The following MALAT1 variants were observed in gnomAD, a reference collection of about 807,000 sequenced individuals.
The protein encoded by MALAT1 is hepcarcin.
chr11:65,505,183 T>G lies in MALAT1; in HGVS notation n.5169-1077T>G, dbSNP rs190232701. ...GCGCTAAGCCTTTTTTTAAGATTTTTCAGGTACCCCTCACTAAAGGCACCG... is the reference window on the plus strand; with the variant it reads ...GCGCTAAGCCTTTTTTTAAGATTTTGCAGGTACCCCTCACTAAAGGCACCG... On this transcript the variant is annotated intron_variant and non_coding_transcript_variant, in intron 3 of 3. Transcript: ENST00000619449. 2.8e-4 allele frequency: 146 copies of G among 518,838 alleles called. 1 individual carries two copies. The Admixed American group carries it at 2.8e-3, about 10-fold the overall frequency. 32.1% of individuals were successfully genotyped at this position (518,838 alleles called of 1,614,324 possible). A position where few individuals can be genotyped will look rare whatever the true frequency, so the allele number is the denominator to read the frequency against.
At chr11:65,501,396 C>A in exon 3 of MALAT1, 1 of 518,164 alleles carries the variant, frequency 1.9e-6, no homozygotes, top group Non-Finnish European at 3.9e-6. Flanking sequence ...GCAGTTCTCA[C>A]GTTGAGGTCT....
exon 3 of MALAT1, chr11:65,501,785 G>C: frequency 1.9e-6 from 1 of 518,778 alleles, no homozygotes; most frequent in South Asian, 1.4e-5. Flanking sequence ...GCTTGAGTAG[G>C]CCAAATGTTG....
At chr11:65,505,349 A>G (rs1425260205) in intron 3 of MALAT1, 1 of 518,662 alleles carries the variant, frequency 1.9e-6, no homozygotes, top group Non-Finnish European at 3.8e-6. Flanking sequence ...CTCTTTCTGG[A>G]GTGAAGCATC....
chr11:65,505,870 T>G (rs780655390), intron 3 of MALAT1: 2 of 454,744 alleles, frequency 4.4e-6, no homozygotes, highest in Non-Finnish European at 8.7e-6. Context: ...ATGTAACTTG[T>G]AGACTGGAGA....
intron 1 of MALAT1, chr11:65,498,447 A>G (rs923161534): frequency 7.7e-6 from 4 of 518,606 alleles, no homozygotes; most frequent in Admixed American, 1.9e-5. Context: ...GCGTTTTCCA[A>G]GAGTGGGTTT....
exon 3 of MALAT1, chr11:65,499,980 C>CA: frequency 2.3e-6 from 1 of 426,074 alleles, no homozygotes; most frequent in Non-Finnish European, 4.6e-6. Context: ...GATAAAATAG[C>CA]ACTGAAAAAA....
At chr11:65,502,725 TAAGTA>T in exon 3 of MALAT1, 2 of 512,576 alleles carry the variant, frequency 3.9e-6, no homozygotes, top group South Asian at 2.9e-5. Context: ...GGTGAATTGA[TAAGTA>T]AAGGCAGAAA....
intron 3 of MALAT1, chr11:65,504,579 T>A (rs776383852): frequency 1.9e-6 from 1 of 518,850 alleles, no homozygotes; most frequent in Non-Finnish European, 3.8e-6. Flanking sequence ...GAGTACATTT[T>A]GCTGGTGTAT....
exon 3 of MALAT1, chr11:65,501,944 A>C: frequency 5.8e-6 from 3 of 517,698 alleles, no homozygotes; most frequent in Non-Finnish European, 1.2e-5. Context: ...AGATAAACTC[A>C]TGCCAGAGAA....
exon 3 of MALAT1, chr11:65,503,688 G>A (rs766337268): frequency 9.7e-6 from 5 of 517,576 alleles, no homozygotes; most frequent in Non-Finnish European, 1.9e-5. Flanking sequence ...GTAGTTCAGT[G>A]TTGGGGCAAT....
At chr11:65,504,896 A>AAT (rs1349667279) in intron 3 of MALAT1, 1 of 518,818 alleles carries the variant, frequency 1.9e-6, no homozygotes, top group Non-Finnish European at 3.8e-6. Context: ...ATTTACTTTA[A>AAT]ATAAACCAAA....
chr11:65,498,954 G>C, intron 2 of MALAT1: 1 of 518,372 alleles, frequency 1.9e-6, no homozygotes, highest in Non-Finnish European at 3.9e-6. Flanking sequence ...ACTACTTTTT[G>C]CCTCCCTCAC....
chr11:65,499,818 G>A (rs1406353784), exon 3 of MALAT1: 1 of 421,300 alleles, frequency 2.4e-6, no homozygotes, highest in Admixed American at 3.2e-5. Context: ...AAAAAGCTAA[G>A]GGCAAAATGT....
exon 3 of MALAT1, chr11:65,499,685 G>A (rs1854494875): frequency 2.3e-6 from 1 of 433,066 alleles, no homozygotes; most frequent in Non-Finnish European, 4.5e-6. Flanking sequence ...AGAAGTACGG[G>A]AAGGCGAAGA....
exon 3 of MALAT1, chr11:65,501,611 C>CA (rs1477370607): frequency 1.9e-6 from 1 of 518,856 alleles, no homozygotes; most frequent in African/African-American, 1.9e-5. Context: ...GTACTATTGA[C>CA]AAACTGGGTT....
chr11:65,505,809 C>T (rs951169786), intron 3 of MALAT1: 1 of 506,704 alleles, frequency 2.0e-6, no homozygotes, highest in Non-Finnish European at 3.9e-6. Flanking sequence ...CCAACTTAAA[C>T]CAGTAAGTGG....
chr11:65,503,468 G>A (rs769065650), exon 3 of MALAT1: 16 of 517,256 alleles, frequency 3.1e-5, no homozygotes, highest in Admixed American at 2.0e-4. Flanking sequence ...TGCCAACTAA[G>A]GAAATTTGTT....
exon 3 of MALAT1, chr11:65,503,214 G>A (rs760676580): frequency 3.3e-5 from 17 of 513,470 alleles, no homozygotes; most frequent in Non-Finnish European, 6.2e-5. Context: ...TGCATCTGCA[G>A]TATTGCATGT....
At chr11:65,499,781 C>T (rs757983354) in exon 3 of MALAT1, 10 of 418,810 alleles carry the variant, frequency 2.4e-5, no homozygotes, top group Non-Finnish European at 3.2e-5. Flanking sequence ...AAGTAGGAAG[C>T]AGAAGAAAAA....
Sources: gnomAD v4.1 joint callset for allele counts on GRCh38, gnomAD v4.1.1 for gene constraint, MANE v1.5 for transcripts, NCBI Gene and HGNC (gene_info 2026-07-23, HGNC 2026-07-21) for gene names.